The following SNAP47 variants were observed in gnomAD, a reference collection of about 807,000 sequenced individuals.
SNAP47 encodes synaptosomal-associated protein 47.
In SNAP47, 20 loss-of-function variants were observed where a neutral mutation model predicts 31.4. That is an observed-to-expected ratio of 0.64 (90% CI 0.45 to 0.93). SNAP47 has a LOEUF of 0.93. SNAP47 is among the 40% of genes least tolerant of loss of function. The pLI, the probability that SNAP47 is intolerant of heterozygous loss-of-function variation, is 0.00. For synonymous variants in SNAP47, 194 were observed against 213.4 expected (o/e 0.91, Z 0.79); for missense variants, 492 against 528.5 (o/e 0.93, Z 0.68).
chr1:227,752,356 A>G (rs1662429797), intron 2 of SNAP47, among the ~76,000 whole-genome samples: 1 of 152,084 alleles, frequency 6.6e-6, no homozygotes, highest in Non-Finnish European at 1.5e-5. Context: ...TACTGCCCAG[A>G]GCTCATTCAT....
At chr1:227,749,143 A>G (rs1186213210) in intron 2 of SNAP47, among the ~76,000 whole-genome samples, 1 of 152,066 alleles carries the variant, frequency 6.6e-6, no homozygotes, top group Non-Finnish European at 1.5e-5. Context: ...GGATATTATT[A>G]ATAGCCTTGT....
At position 227,741,066 on chromosome 1, in the gene SNAP47, T is replaced by C. The variant is rs1468552263; in HGVS notation, c.-46+5567T>C. On this transcript the variant is annotated intron_variant, in intron 1 of 4. Transcript: ENST00000617596. This position sits in a 1 kb window ranked among gnomAD's most constrained non-coding sequence, Gnocchi z 4.2. ...GTTGCCCGTTAGGGATGGGGGCAGA[T>C]ACCCAGCAGGTGATAGGGGAGGAGC... 1.3e-5 allele frequency among the ~76,000 whole-genome samples: 2 copies of C among 151,680 alleles called. No individual in the cohort carries two copies. The highest frequency in any genetic ancestry group is 2.9e-5 in the Non-Finnish European group (2 of 67,932).
chr1:227,770,560 C>G (rs187268593), intron 4 of SNAP47: 3 of 154,806 alleles, frequency 1.9e-5, no homozygotes, highest in Non-Finnish European at 4.4e-5. Flanking sequence ...CCTTTTGTTT[C>G]TCTTTTTTAG....
At chr1:227,751,745 T>TG (rs1662373775) in intron 2 of SNAP47, among the ~76,000 whole-genome samples, 5 of 9,360 alleles carry the variant, frequency 5.3e-4, no homozygotes, top group Non-Finnish European at 3.5e-4. Context: ...AAAGACTTGG[T>TG]TTTTTTTTTT....
chr1:227,774,850 C>T (rs1054869397), intron 4 of SNAP47, among the ~76,000 whole-genome samples: 22 of 152,374 alleles, frequency 1.4e-4, no homozygotes, highest in African/African-American at 4.6e-4. Flanking sequence ...GTCCCTCAAG[C>T]ACTCGGGTCT....
rs1378612191 is a variant in SNAP47 at position 227,747,886 on chromosome 1, C to A, written c.150C>A (p.Leu50=). The change falls in exon 2 of 5, where the codon CTC becomes CTA. Residue 50 remains leucine (L), a synonymous_variant. Coordinates refer to ENST00000617596, the MANE Select transcript of SNAP47 (RefSeq NM_053052.4). ...GAGAGATTCTGGTCAGCTTCCCCCT[C>A]TCCAGCATAGTTGAGATCAAGAAGG... ...STGEILVSFP[L]SSIVEIKKEA... 1 of 1,614,220 alleles carries A rather than the reference C, an allele frequency of 6.2e-7. No individual in the cohort carries two copies. The highest frequency in any genetic ancestry group is 1.1e-5 in the South Asian group (1 of 91,082).
chr1:227,737,221 G>T (rs1046891794), intron 1 of SNAP47, among the ~76,000 whole-genome samples: 6 of 152,252 alleles, frequency 3.9e-5, no homozygotes, highest in Admixed American at 3.3e-4. Context: ...CAGAAGGAAA[G>T]ATAGCAGATT....
upstream of SNAP47, chr1:227,735,359 AG>A (rs1481312530): frequency 1.9e-6 from 3 of 1,593,100 alleles, no homozygotes; most frequent in Non-Finnish European, 2.6e-6. Context: ...CAGAAGACGC[AG>A]GGCGCCGCGT....
intron 2 of SNAP47, among the ~76,000 whole-genome samples, chr1:227,754,232 G>A (rs574019666): frequency 3.3e-5 from 5 of 152,372 alleles, no homozygotes; most frequent in South Asian, 4.1e-4. Flanking sequence ...GCCTACAGCC[G>A]TGCTGGTGCC....
chr1:227,759,220 C>T lies in SNAP47; in HGVS notation c.723C>T (p.Asp241=). ...TVLVSGLEIH[D]SSSLLMHRFE... Reference sequence around the variant, plus strand: ...TTGTGTCTGGGTTGGAAATACATGACTCCAGTTCTTTGCTCATGCACAGGT... The same window carrying T: ...TTGTGTCTGGGTTGGAAATACATGATTCCAGTTCTTTGCTCATGCACAGGT... Residue 241 remains aspartate, a synonymous_variant, in exon 3 of 5, where the codon GAC becomes GAT. Coordinates refer to ENST00000617596, the MANE Select transcript of SNAP47 (RefSeq NM_053052.4). 2 of 1,614,224 alleles carry T rather than the reference C, an allele frequency of 1.2e-6. No individual in the cohort carries two copies. The highest frequency in any genetic ancestry group is 1.7e-6 in the Non-Finnish European group (2 of 1,180,056).
chr1:227,733,287 G>T, upstream of SNAP47: 1 of 1,045,878 alleles, frequency 9.6e-7, no homozygotes. Flanking sequence ...ACCACCTTGT[G>T]AAGGGGTCAG....
At chr1:227,766,208 TC>T (rs1663390031) in intron 3 of SNAP47, among the ~76,000 whole-genome samples, 1 of 152,170 alleles carries the variant, frequency 6.6e-6, no homozygotes, top group Non-Finnish European at 1.5e-5. Flanking sequence ...AGCTGCACTC[TC>T]CCTGCCTGTT....
chr1:227,732,848 C>CA (rs750951795), upstream of SNAP47: 1 of 1,610,814 alleles, frequency 6.2e-7, no homozygotes, highest in South Asian at 1.1e-5. Flanking sequence ...AAGCCTCCCC[C>CA]AGGAGGGTAG....
chr1:227,735,248 G>T (rs1253910961), upstream of SNAP47: 1 of 1,601,864 alleles, frequency 6.2e-7, no homozygotes, highest in East Asian at 2.3e-5. Flanking sequence ...GTGGCTGTCG[G>T]CGAGGGCGCG....
intron 3 of SNAP47, among the ~76,000 whole-genome samples, chr1:227,764,605 TAA>T (rs5781496): frequency 6.6e-6 from 1 of 151,810 alleles, no homozygotes; most frequent in Non-Finnish European, 1.5e-5. Context: ...CCCGTCTCTA[TAA>T]AAAAATACAA....
At chr1:227,743,534 C>T (rs1299458298) in intron 1 of SNAP47, among the ~76,000 whole-genome samples, 1 of 152,194 alleles carries the variant, frequency 6.6e-6, no homozygotes, top group Non-Finnish European at 1.5e-5. Flanking sequence ...ATTGCGTGTT[C>T]GAGACTACAG....
rs746649623 is a variant in SNAP47, at chr1:227,735,483, C to G, written c.-62C>G. The G allele has an allele frequency of 7.0e-7, 1 of 1,419,724 alleles. No individual in the cohort carries two copies. The highest frequency in any genetic ancestry group is 9.1e-7 in the Non-Finnish European group (1 of 1,096,622). 87.9% of individuals were successfully genotyped at this position (1,419,724 alleles called of 1,614,324 possible). ...AGGCGCCGCGGTCGGCTCTGGGACT[C>G]GTCTGGCGTCCCTCAGGTGAGCGAC... On this transcript the variant is annotated 5_prime_UTR_variant, in exon 1 of 5. Transcript: ENST00000617596.
chr1:227,777,120 G>C, intron 4 of SNAP47: 1 of 701,390 alleles, frequency 1.4e-6, no homozygotes, highest in Non-Finnish European at 1.7e-6. Context: ...AAAAAAAAAA[G>C]TTATTTTATT....
chr1:227,774,024 T>C (rs1664002992), intron 4 of SNAP47, among the ~76,000 whole-genome samples: 1 of 152,268 alleles, frequency 6.6e-6, no homozygotes, highest in Non-Finnish European at 1.5e-5. Flanking sequence ...CTAGCTTCCC[T>C]CTGCTGTGGT....
Sources: allele counts gnomAD v4.1 joint callset (sites outside exome capture counted in the v4.1 genomes callset), GRCh38; gene constraint gnomAD v4.1.1; non-coding constraint Gnocchi (gnomAD v3.1); transcripts MANE v1.5; gene names NCBI Gene and HGNC (gene_info 2026-07-23, HGNC 2026-07-21).